Variants in PTPRQ observed in about 807,000 individuals in gnomAD.
The protein encoded by PTPRQ is protein tyrosine phosphatase receptor type Q.
Under a neutral mutation model 246.0 loss-of-function variants are expected in PTPRQ, and 199 were observed. The observed-to-expected ratio is 0.81, with a 90% CI of 0.72 to 0.91. The LOEUF is 0.91. Ranked by LOEUF, PTPRQ falls within the 40% of genes least tolerant of loss-of-function variation. PTPRQ has a pLI of 0.00. For synonymous variants in PTPRQ, 869 were observed against 853.2 expected (o/e 1.02, Z -0.32); for missense variants, 2,624 against 2,528.4 (o/e 1.04, Z -0.81).
chr12:80,459,087 C>T (rs971004467), intron 4 of PTPRQ, among the ~76,000 whole-genome samples, 197 bp from the exon 5 acceptor site: 6 of 151,982 alleles, frequency 3.9e-5, no homozygotes, highest in African/African-American at 1.4e-4. Flanking sequence ...CCCAGTTATC[C>T]TAAAGTAAAG....
intron 26 of PTPRQ, among the ~76,000 whole-genome samples, chr12:80,598,465 C>T (rs1270285022): frequency 6.6e-6 from 1 of 151,954 alleles, no homozygotes; most frequent in Non-Finnish European, 1.5e-5. Flanking sequence ...CTTCAGGGCC[C>T]TTGATGCCCT....
In PTPRQ at chr12:80,610,522, C is replaced by T. The variant is rs751704036; in HGVS notation, c.4815C>T (p.Phe1605=). The part of the protein sequence containing the change: ...KTIEIKDLEI[F]TRYSVVITAF... ...TAGAAATTAAAGATTTAGAAATATT[C>T]ACAAGGTATTCTGTAGTGATCACTG... The change falls in exon 28 of 45, where the codon TTC becomes TTT. Residue 1605 remains phenylalanine (F), a synonymous_variant. Coordinates refer to ENST00000644991, the MANE Select transcript of PTPRQ (RefSeq NM_001145026.2). The T allele has an allele frequency of 3.9e-6, 6 of 1,534,422 alleles. No individual in the cohort carries two copies. Among genetic ancestry groups the T allele is most frequent in the Non-Finnish European group, 5.3e-6 (6 of 1,137,460 alleles).
rs1489281823 is a variant in PTPRQ, at chr12:80,468,699, A to C, written c.911-11A>C. On this transcript the variant is annotated splice_polypyrimidine_tract_variant and intron_variant, in intron 6 of 44. Transcript: ENST00000644991. ...TATATGTTATGTATTTATTTTCTAT[A>C]ATTATTTTAGTGCCTGAAGGACCAC... 6.6e-7 allele frequency: 1 copy of C among 1,523,562 alleles called. No individual in the cohort carries two copies. The highest frequency in any genetic ancestry group is 8.8e-7 in the Non-Finnish European group (1 of 1,136,506). The allele number at this position is 1,523,562 out of a possible 1,614,324, so 94.4% of individuals were successfully genotyped here.
intron 34 of PTPRQ, among the ~76,000 whole-genome samples, chr12:80,632,529 T>TAATGTAAAG (rs1899479294): frequency 2.6e-5 from 4 of 152,164 alleles, no homozygotes; most frequent in Admixed American, 2.6e-4. Flanking sequence ...AGAAAACATT[T>TAATGTAAAG]AATGTAAAGA....
intron 38 of PTPRQ, among the ~76,000 whole-genome samples, chr12:80,653,329 A>T (rs1900315794): frequency 6.6e-6 from 1 of 152,230 alleles, no homozygotes; most frequent in African/African-American, 2.4e-5. Context: ...CATAGTACAT[A>T]CAGCTTCATT....
chr12:80,670,419 CCTCTAA>C lies in PTPRQ; in HGVS notation c.6530_6535del (p.Pro2177_Ile2179delinsLeu). 1 of 1,551,158 alleles carries C rather than the reference CCTCTAA, an allele frequency of 6.4e-7. No homozygotes were observed. Among genetic ancestry groups the C allele is most frequent in the Non-Finnish European group, 8.7e-7 (1 of 1,146,620 alleles). ...GCATGGGGTTCCTGAGAACAGCGCC[CCTCTAA>C]TTCACTTTGTGAAGTTGGTTCGAGC... On this transcript the variant is annotated inframe_deletion, in exon 42 of 45. Coordinates refer to ENST00000644991, the MANE Select transcript of PTPRQ (RefSeq NM_001145026.2).
chr12:80,537,191 G>A (rs1005284323), intron 19 of PTPRQ, among the ~76,000 whole-genome samples: 1 of 152,132 alleles, frequency 6.6e-6, no homozygotes, highest in Non-Finnish European at 1.5e-5. Context: ...AAGTTTATCC[G>A]TGCTTTAACT....
At chr12:80,474,457 A>G (rs937596344) in intron 8 of PTPRQ, among the ~76,000 whole-genome samples, 2 of 152,208 alleles carry the variant, frequency 1.3e-5, no homozygotes, top group African/African-American at 4.8e-5. Flanking sequence ...ATTACATTAC[A>G]GTGGAGTTGA....
At position 80,496,508 on chromosome 12, in the gene PTPRQ, T is replaced by C. The variant is rs1434949299; in HGVS notation, c.2249T>C (p.Leu750Pro). Residue 750 changes from leucine (L) to proline (P), a missense_variant, in exon 14 of 45, where the codon CTC becomes CCC. Physicochemically the swap from Leu to Pro is moderately conservative, Grantham distance 98. Coordinates refer to ENST00000644991, the MANE Select transcript of PTPRQ (RefSeq NM_001145026.2). ...FGHGNQVSSLLSVRTSETVPD... is the reference protein window; with the variant it reads ...FGHGNQVSSLPSVRTSETVPD... Reference sequence around the variant, plus strand: ...CATGGCAATCAGGTATCTTCTTTACTCTCTGTAAGGACTTCGGAGACTGGT... The same window carrying C: ...CATGGCAATCAGGTATCTTCTTTACCCTCTGTAAGGACTTCGGAGACTGGT... 2.6e-6 allele frequency: 4 copies of C among 1,547,860 alleles called. No homozygotes were observed. Among genetic ancestry groups the C allele is most frequent in the South Asian group, 2.4e-5 (2 of 83,404 alleles).
intron 6 of PTPRQ, among the ~76,000 whole-genome samples, chr12:80,466,499 A>G (rs1225149799): frequency 1.3e-5 from 2 of 152,206 alleles, no homozygotes; most frequent in Admixed American, 6.5e-5. Flanking sequence ...AGAATTGGAA[A>G]AAACTACTTT....
At chr12:80,659,160 C>T (rs148464666) in intron 39 of PTPRQ, among the ~76,000 whole-genome samples, 44 of 152,032 alleles carry the variant, frequency 2.9e-4, no homozygotes, top group African/African-American at 9.9e-4. Context: ...AAATTTCATT[C>T]TATTTTAATG....
At chr12:80,464,124 A>C (rs1234817890) in intron 6 of PTPRQ, among the ~76,000 whole-genome samples, 1 of 151,722 alleles carries the variant, frequency 6.6e-6, no homozygotes, top group Non-Finnish European at 1.5e-5. Context: ...CAGGAAACCC[A>C]TCTCACATGC....
chr12:80,621,354 A>G (rs980998827), intron 32 of PTPRQ, among the ~76,000 whole-genome samples: 4 of 151,974 alleles, frequency 2.6e-5, no homozygotes, highest in African/African-American at 9.7e-5. Flanking sequence ...GACTCTTCAT[A>G]TAACAAATAA....
intron 26 of PTPRQ, among the ~76,000 whole-genome samples, chr12:80,594,811 T>G (rs1897915573): frequency 6.6e-6 from 1 of 152,200 alleles, no homozygotes; most frequent in South Asian, 2.1e-4. Context: ...AATCCAGACT[T>G]TTACATTTAT....
rs1897687280 is a variant in PTPRQ at position 80,588,391 on chromosome 12, C to T, written c.4548C>T (p.Ala1516=). ...GATGGTATAGATTCCAAGTGGCTGC[C>T]AGCACCAATGCTGGCTATGGCAATG... ...KFRWYRFQVA[A]STNAGYGNAS... Residue 1516 remains alanine, a synonymous_variant, in exon 26 of 45, where the codon GCC becomes GCT. Transcript: ENST00000644991. 2 of 1,529,548 alleles carry T rather than the reference C, an allele frequency of 1.3e-6. No individual in the cohort carries two copies. Among genetic ancestry groups the T allele is most frequent in the Non-Finnish European group, 1.8e-6 (2 of 1,135,194 alleles). 94.7% of individuals were successfully genotyped at this position (1,529,548 alleles called of 1,614,324 possible).
intron 26 of PTPRQ, among the ~76,000 whole-genome samples, chr12:80,593,434 T>G (rs1897868119): frequency 6.6e-6 from 1 of 152,178 alleles, no homozygotes; most frequent in African/African-American, 2.4e-5. Context: ...AGATTTAAAT[T>G]GGATTACCCT....
intron 27 of PTPRQ, among the ~76,000 whole-genome samples, chr12:80,607,930 A>G (rs951207139): frequency 2.1e-4 from 31 of 150,890 alleles, no homozygotes; most frequent in African/African-American, 7.0e-4. Flanking sequence ...CAGGTAGCTC[A>G]CACCCTAGTG....
chr12:80,675,645 T>A (rs1901112506), intron 43 of PTPRQ, among the ~76,000 whole-genome samples: 2 of 152,202 alleles, frequency 1.3e-5, no homozygotes, highest in South Asian at 2.1e-4. Flanking sequence ...CTTTGTAGAA[T>A]TAAATTCTGT....
At chr12:80,478,184 A>C (rs1893889271) in intron 8 of PTPRQ, among the ~76,000 whole-genome samples, 1 of 145,932 alleles carries the variant, frequency 6.9e-6, no homozygotes. Flanking sequence ...TGGAGATCTG[A>C]GAAAGGGGAA....
Sources: gnomAD v4.1 joint callset for allele counts (sites outside exome capture counted in the v4.1 genomes callset) on GRCh38, gnomAD v4.1.1 for gene constraint, MANE v1.5 for transcripts, NCBI Gene and HGNC (gene_info 2026-07-23, HGNC 2026-07-21) for gene names.